RYR1: variants seen among roughly 807,000 people sequenced by gnomAD.
RYR1 encodes central core disease of muscle.
Under a neutral mutation model 583.5 loss-of-function variants are expected in RYR1, and 342 were observed. The observed-to-expected ratio is 0.59, with a 90% CI of 0.54 to 0.64. The LOEUF is 0.64. Among genes scored for constraint, RYR1 ranks in the 30% least tolerant of loss-of-function variants. The pLI, the probability that RYR1 is intolerant of heterozygous loss-of-function variation, is 0.00. For missense variants in RYR1, 6,032 were observed against 6,917.2 expected (o/e 0.87, Z 4.54); for synonymous variants, 2,791 against 2,822.5 (o/e 0.99, Z 0.35).
Position 38,452,841 on chromosome 19 carries a change from A to G in RYR1, c.1267A>G (p.Lys423Glu), listed in dbSNP as rs1967150142. 1.2e-6 allele frequency: 2 copies of G among 1,601,102 alleles called. No individual in the cohort carries two copies. The highest frequency in any genetic ancestry group is 1.3e-5 in the African/African-American group (1 of 74,768). ...FIKSLDSFSG[K>E]PRGSGPPAGT... ...TAGGAGCCTGGACAGCTTCAGCGGG[A>G]AGCCACGGGGCTCGGGGCCACCCGC... Residue 423 changes from lysine to glutamate, a missense_variant, in exon 13 of 106, where the codon AAG (lysine) becomes GAG (glutamate). Lys to Glu is a moderately conservative substitution (Grantham distance 56). Around this residue, in one of 11 missense-constraint regions of RYR1, gnomAD observed 2,627 missense variants for 2,961.3 expected, o/e 0.89. Transcript: ENST00000359596.
chr19:38,455,426 G>T, intron 14 of RYR1, 25 bp from the exon 15 acceptor site: 1 of 1,614,078 alleles, frequency 6.2e-7, no homozygotes, highest in Non-Finnish European at 8.5e-7. Context: ...AGTCCTATTG[G>T]ATCTGACACC....
chr19:38,547,037 T>G (rs569621036), intron 88 of RYR1, among the ~76,000 whole-genome samples: 113 of 15,336 alleles, frequency 7.4e-3, no homozygotes, highest in African/African-American at 0.019. Context: ...TAGGATCCCT[T>G]TTTTTTTTTT....
chr19:38,536,458 C>T (rs551637773), intron 82 of RYR1, among the ~76,000 whole-genome samples: 6 of 151,650 alleles, frequency 4.0e-5, no homozygotes, highest in South Asian at 2.1e-4. Flanking sequence ...CCTTTCTACC[C>T]GGATCCTCGC....
rs1188009743 is a variant in RYR1 at position 38,510,723 on chromosome 19, G to A, written c.9064G>A (p.Ala3022Thr). The change falls in exon 60 of 106, where the codon GCT (alanine) becomes ACT (threonine). Residue 3022 changes from alanine (A) to threonine (T), a missense_variant. Physicochemically the swap from Ala to Thr is moderately conservative, Grantham distance 58 (BLOSUM62 0). Transcript: ENST00000359596. ...CTGCCTCTATTTCTTGTCCACTCCG[G>A]CTAAAGTGCTGGGCAGCGGTGGCCA... The part of the protein sequence containing the change: ...NHCLYFLSTP[A>T]KVLGSGGHAS... 6.2e-7 allele frequency: 1 copy of A among 1,614,118 alleles called. No individual in the cohort carries two copies. The highest frequency in any genetic ancestry group is 1.7e-5 in the Admixed American group (1 of 60,022).
chr19:38,497,400 T>C (rs974058989), intron 42 of RYR1, among the ~76,000 whole-genome samples: 14 of 152,192 alleles, frequency 9.2e-5, no homozygotes. Flanking sequence ...GTGAAATGCG[T>C]GGGCTCCAGA....
At chr19:38,548,680 C>T (rs181122082) in intron 89 of RYR1, among the ~76,000 whole-genome samples, 364 of 152,306 alleles carry the variant, frequency 2.4e-3, no homozygotes, top group Non-Finnish European at 4.2e-3. Context: ...CTGGCTTAAG[C>T]AATCCTCCCA....
intron 27 of RYR1, among the ~76,000 whole-genome samples, chr19:38,471,986 C>T (rs1392290749): frequency 6.6e-6 from 1 of 151,044 alleles, no homozygotes; most frequent in Non-Finnish European, 1.5e-5. Flanking sequence ...GCAAGGAGTA[C>T]CTAGGTTCAT....
chr19:38,561,090 C>A lies in RYR1; in HGVS notation c.12283-23C>A. ...AATTGAGGCTCTCCAGGTCACCCCACTGACCTCCCTGCCCGCCCCCAGGCC... is the reference window on the plus strand; with the variant it reads ...AATTGAGGCTCTCCAGGTCACCCCAATGACCTCCCTGCCCGCCCCCAGGCC... On this transcript the variant is annotated intron_variant, in intron 89 of 105. Coordinates refer to ENST00000359596, the MANE Select transcript of RYR1 (RefSeq NM_000540.3). The surrounding 1 kb of genome is among the most constrained non-coding windows in gnomAD (Gnocchi z 4.8). The A allele has an allele frequency of 6.3e-7, 1 of 1,584,724 alleles. No homozygotes were observed. The highest frequency in any genetic ancestry group is 8.7e-7 in the Non-Finnish European group (1 of 1,153,392).
In RYR1 at chr19:38,572,281, G is replaced by A; in HGVS notation, c.13998+11G>A. The A allele has an allele frequency of 6.2e-7, 1 of 1,609,878 alleles. No homozygotes were observed. Among genetic ancestry groups the A allele is most frequent in the East Asian group, 2.2e-5 (1 of 44,684 alleles). The stretch of plus-strand genomic sequence containing the variant: ...TATAATTGTCTCAAGGTGGGCCCAT[G>A]GCCATGGTTCTGGGGCAAGGGCTTA... On this transcript the variant is annotated intron_variant, in intron 95 of 105. Transcript: ENST00000359596.
chr19:38,568,704 A>G (rs1973562905), intron 93 of RYR1, among the ~76,000 whole-genome samples: 1 of 135,004 alleles, frequency 7.4e-6, no homozygotes, highest in Non-Finnish European at 1.5e-5. Context: ...GTGAGCCGAG[A>G]TCGTGCCACT....
Position 38,496,570 on chromosome 19 carries a change from C to G in RYR1, c.6796+29C>G. ...AGAACCCCCGAGCCCAGGGGCTGTC[C>G]CCCAGAACCCACTCCTGGCACCCCG... On this transcript the variant is annotated intron_variant, in intron 41 of 105. Transcript: ENST00000359596. This position sits in a 1 kb window ranked among gnomAD's most constrained non-coding sequence, Gnocchi z 4.8. 6.2e-7 allele frequency: 1 copy of G among 1,612,664 alleles called. No homozygotes were observed. The highest frequency in any genetic ancestry group is 8.5e-7 in the Non-Finnish European group (1 of 1,179,938).
chr19:38,505,460 G>A (rs960641917), intron 53 of RYR1, 62 bp downstream of exon 53: 24 of 1,212,486 alleles, frequency 2.0e-5, no homozygotes, highest in Non-Finnish European at 2.7e-5. Context: ...TTGAGGATTC[G>A]GGGAGGAGTG....
Position 38,502,630 on chromosome 19 carries a change from G to A in RYR1, c.7738G>A (p.Asp2580Asn), listed in dbSNP as rs758009575. 6.8e-6 allele frequency: 11 copies of A among 1,612,964 alleles called. No homozygotes were observed. Among genetic ancestry groups the A allele is most frequent in the Middle Eastern group, 3.3e-4 (2 of 6,084 alleles). ...CACAGAACACCGCGCCATCATGGTGGACTCTATGCTGCATACCGTGTACCG... is the reference window on the plus strand; with the variant it reads ...CACAGAACACCGCGCCATCATGGTGAACTCTATGCTGCATACCGTGTACCG... ...AGTEHRAIMV[D>N]SMLHTVYRLS... is the part of the protein sequence containing the mutation. Residue 2580 changes from aspartate (D) to asparagine (N), a missense_variant, in exon 48 of 106, where the codon GAC (aspartate) becomes AAC (asparagine). This residue lies in a region of RYR1 where 250 missense variants were observed against 162.3 expected (regional missense o/e 1.54). Coordinates refer to ENST00000359596, the MANE Select transcript of RYR1 (RefSeq NM_000540.3).
intron 63 of RYR1, among the ~76,000 whole-genome samples, chr19:38,514,406 G>A (rs555249116): frequency 6.8e-4 from 102 of 150,338 alleles, no homozygotes; most frequent in African/African-American, 2.3e-3. Flanking sequence ...TCAGCCCCCC[G>A]AGTAGCTGGG....
rs768895552 is a variant in RYR1 at position 38,502,753 on chromosome 19, G to GGGCAGA, written c.7835+31_7835+32insAGGCAG. 38 of 378,670 alleles carry GGGCAGA rather than the reference G, an allele frequency of 1.0e-4. 1 individual carries two copies. The highest frequency in any genetic ancestry group is 7.5e-4 in the South Asian group (30 of 40,046). 23.5% of individuals were successfully genotyped at this position (378,670 alleles called of 1,614,324 possible). ...GTGGAGCGGGGCAGGCTTCAGGGTG[G>GGGCAGA]GGCAGGGGCAGGGGCAGGGGCAGGG... On this transcript the variant is annotated intron_variant, in intron 48 of 105. Coordinates refer to ENST00000359596, the MANE Select transcript of RYR1 (RefSeq NM_000540.3).
In RYR1 at chr19:38,500,039, G is replaced by A. The variant is rs760693168; in HGVS notation, c.7323+23G>A. ...CATGTGAGACCCTGAGCCAGGGCAG[G>A]ATGGGAAGGGAGGGCAGGCACAGCC... is the stretch of plus-strand genomic sequence containing the variant. On this transcript the variant is annotated intron_variant, in intron 45 of 105. Coordinates refer to ENST00000359596, the MANE Select transcript of RYR1 (RefSeq NM_000540.3). This position sits in a 1 kb window ranked among gnomAD's most constrained non-coding sequence, Gnocchi z 5.9. 26 of 1,607,640 alleles carry A rather than the reference G, an allele frequency of 1.6e-5. No homozygotes were observed. Among genetic ancestry groups the A allele is most frequent in the Non-Finnish European group, 2.0e-5 (24 of 1,174,638 alleles).
At chr19:38,440,478 G>A (rs1050746690) in intron 1 of RYR1, among the ~76,000 whole-genome samples, 4 of 152,104 alleles carry the variant, frequency 2.6e-5, no homozygotes, top group Non-Finnish European at 5.9e-5. Flanking sequence ...GGTGGAGGCT[G>A]CAGTGGGCTG....
At position 38,469,491 on chromosome 19, in the gene RYR1, C is replaced by G; in HGVS notation, c.3743C>G (p.Pro1248Arg). 6.2e-7 allele frequency: 1 copy of G among 1,614,138 alleles called. No individual in the cohort carries two copies. The highest frequency in any genetic ancestry group is 8.5e-7 in the Non-Finnish European group (1 of 1,180,014). The change falls in exon 27 of 106, where the codon CCC becomes CGC. Residue 1248 changes from proline to arginine, a missense_variant. Coordinates refer to ENST00000359596, the MANE Select transcript of RYR1 (RefSeq NM_000540.3). ...GGCCTGCCCCAGTTTGAGCCAGTGC[C>G]CCTTGAACACCCTCACTATGAGGTA... The part of the protein sequence containing the change: ...SKGLPQFEPV[P>R]LEHPHYEVSR...
Position 38,444,459 on chromosome 19 carries a change from C to T in RYR1, c.538-125C>T, listed in dbSNP as rs963705175. On this transcript the variant is annotated intron_variant, in intron 6 of 105. Coordinates refer to ENST00000359596, the MANE Select transcript of RYR1 (RefSeq NM_000540.3). The surrounding 1 kb of genome is among the most constrained non-coding windows in gnomAD (Gnocchi z 5.1). ...ACTTGATCATTTCCTGATCTGTGAT[C>T]TCTGATGACTCTGTCTCCCATCTGC... The T allele has an allele frequency of 6.8e-6, 6 of 882,248 alleles. No homozygotes were observed. The highest frequency in any genetic ancestry group is 6.6e-5 in the African/African-American group (4 of 60,192). The allele number at this position is 882,248 out of a possible 1,614,324, so 54.7% of individuals were successfully genotyped here. A position where few individuals can be genotyped will look rare whatever the true frequency, so the allele number is the denominator to read the frequency against.
Sources: gnomAD v4.1 joint callset for allele counts (sites outside exome capture counted in the v4.1 genomes callset) on GRCh38, gnomAD v4.1.1 for gene constraint, gnomAD v4.1.1 regional missense constraint, Gnocchi (gnomAD v3.1) non-coding constraint, MANE v1.5 for transcripts, NCBI Gene and HGNC (gene_info 2026-07-23, HGNC 2026-07-21) for gene names.